Variants in PTPRG observed in about 807,000 individuals in gnomAD.
PTPRG encodes the protein receptor-type tyrosine-protein phosphatase gamma.
PTPRG carries 102 observed loss-of-function variants against 165.3 expected under a neutral mutation model. The ratio of observed to expected loss-of-function variants is 0.62; its 90% CI spans 0.53 to 0.73. The LOEUF is 0.73. Ranked by LOEUF, PTPRG falls within the 30% of genes least tolerant of loss-of-function variation. The pLI is 0.00. For missense variants in PTPRG, 1,866 were observed against 1,861.4 expected, an observed-to-expected ratio of 1.00 and a Z score of -0.05; for synonymous variants, 675 against 669.5, an observed-to-expected ratio of 1.01 and a Z score of -0.13.
intron 13 of PTPRG, among the ~76,000 whole-genome samples, chr3:62,230,313 C>A (rs1700870009): frequency 6.6e-6 from 1 of 152,192 alleles, no homozygotes; most frequent in Non-Finnish European, 1.5e-5. Flanking sequence ...CCAGCGGACT[C>A]AATAGTTAAC....
At position 62,271,461 on chromosome 3, in the gene PTPRG, G is replaced by A. The variant is rs1202524817; in HGVS notation, c.3088G>A (p.Gly1030Arg). Reference protein sequence around the residue: ...QYHYTQWPDMGVPEYALPVLT... With the variant: ...QYHYTQWPDMRVPEYALPVLT... Reference sequence around the variant, plus strand: ...TCACTATACACAGTGGCCTGACATGGGAGTTCCCGAGTATGCCCTTCCAGT... The same window carrying A: ...TCACTATACACAGTGGCCTGACATGAGAGTTCCCGAGTATGCCCTTCCAGT... Residue 1030 changes from glycine to arginine, a missense_variant, in exon 21 of 30, where the codon GGA (glycine) becomes AGA (arginine). Physicochemically the swap from Gly to Arg is moderately radical, Grantham distance 125 (BLOSUM62 -2). Around this residue, in one of 3 missense-constraint regions of PTPRG, gnomAD observed 1,452 missense variants for 1,463.0 expected, o/e 0.99. Transcript: ENST00000474889. This position sits in a 1 kb window ranked among gnomAD's most constrained non-coding sequence, Gnocchi z 4.1. 1.2e-6 allele frequency: 2 copies of A among 1,613,798 alleles called. No individual in the cohort carries two copies. Among genetic ancestry groups the A allele is most frequent in the Non-Finnish European group, 1.7e-6 (2 of 1,179,820 alleles).
At chr3:61,995,174 C>T (rs991682233) in intron 3 of PTPRG, among the ~76,000 whole-genome samples, 2 of 146,740 alleles carry the variant, frequency 1.4e-5, no homozygotes, top group African/African-American at 2.6e-5. Flanking sequence ...CTGCAACCTC[C>T]GTCTCCTAGG....
chr3:62,145,130 A>G (rs377205593), intron 6 of PTPRG, among the ~76,000 whole-genome samples: 1 of 152,210 alleles, frequency 6.6e-6, no homozygotes, highest in Non-Finnish European at 1.5e-5. Flanking sequence ...ACCTCGGTAT[A>G]GGAGAGACAG....
At chr3:61,685,396 C>A (rs1332300718) in intron 1 of PTPRG, among the ~76,000 whole-genome samples, 1 of 152,168 alleles carries the variant, frequency 6.6e-6, no homozygotes, top group East Asian at 1.9e-4. Context: ...GATCTGACTA[C>A]CTCAGGGATG....
At chr3:61,830,510 C>T (rs556024429) in intron 2 of PTPRG, among the ~76,000 whole-genome samples, 84 of 146,854 alleles carry the variant, frequency 5.7e-4, no homozygotes, top group African/African-American at 1.5e-3. Context: ...ATGTTCTCAT[C>T]TTTGAATCTT....
chr3:62,267,454 T>A lies in PTPRG; in HGVS notation c.2701T>A (p.Ser901Thr). Residue 901 changes from serine (S) to threonine (T), a missense_variant, in exon 18 of 30, where the codon TCT becomes ACT. Ser to Thr is a moderately conservative substitution (Grantham distance 58, BLOSUM62 1). This residue lies in a region of PTPRG where 1,452 missense variants were observed against 1,463.0 expected (regional missense o/e 0.99). Transcript: ENST00000474889. The stretch of plus-strand genomic sequence containing the variant: ...GTTAAGACCTTTACCAGGAAAAGAC[T>A]CTAAGCACAGCGACTACATTAATGC... ...VKLRPLPGKD[S>T]KHSDYINANY... 1 of 1,612,272 alleles carries A rather than the reference T, an allele frequency of 6.2e-7. No homozygotes were observed. Among genetic ancestry groups the A allele is most frequent in the South Asian group, 1.1e-5 (1 of 90,974 alleles).
chr3:61,977,784 T>A (rs113236855), intron 2 of PTPRG, among the ~76,000 whole-genome samples: 329 of 152,362 alleles, frequency 2.2e-3, no homozygotes, highest in Non-Finnish European at 3.5e-3. Flanking sequence ...GTCTTAAATA[T>A]GTTTACAGAG....
At chr3:61,981,210 A>G (rs987597409) in intron 2 of PTPRG, among the ~76,000 whole-genome samples, 10 of 152,124 alleles carry the variant, frequency 6.6e-5, no homozygotes, top group Admixed American at 5.9e-4. Context: ...TCACTGCAAC[A>G]GGATGGGGGA....
chr3:62,159,065 C>G (rs949003320), intron 7 of PTPRG, among the ~76,000 whole-genome samples: 3 of 151,756 alleles, frequency 2.0e-5, no homozygotes. Context: ...TGGCTCATGC[C>G]TATAATTTCA....
chr3:61,649,414 G>A (rs1702288735), intron 1 of PTPRG, among the ~76,000 whole-genome samples: 1 of 152,134 alleles, frequency 6.6e-6, no homozygotes, highest in South Asian at 2.1e-4. Flanking sequence ...TGTCTGGTGA[G>A]GGTTTTTCTC....
intron 1 of PTPRG, among the ~76,000 whole-genome samples, chr3:61,653,217 G>A (rs183936076): frequency 5.3e-5 from 8 of 151,958 alleles, no homozygotes; most frequent in South Asian, 4.2e-4. Flanking sequence ...AAGACGTATT[G>A]TACATATAGG....
At chr3:62,017,932 G>A (rs1183037539) in intron 4 of PTPRG, among the ~76,000 whole-genome samples, 1 of 152,150 alleles carries the variant, frequency 6.6e-6, no homozygotes, top group African/African-American at 2.4e-5. Context: ...TTTCATTCAT[G>A]AGCCAAGACA....
At chr3:62,290,302 A>G (rs1702835222) in intron 28 of PTPRG, among the ~76,000 whole-genome samples, 1 of 152,190 alleles carries the variant, frequency 6.6e-6, no homozygotes, top group East Asian at 1.9e-4. Flanking sequence ...CCATCTATAT[A>G]TTCAGTGCAA....
chr3:61,973,434 G>A (rs2040429037), intron 2 of PTPRG, among the ~76,000 whole-genome samples: 1 of 152,188 alleles, frequency 6.6e-6, no homozygotes, highest in Admixed American at 6.5e-5. Context: ...AAAAATGTAT[G>A]TGCTGTCTCC....
Position 62,112,876 on chromosome 3 carries a change from G to A in PTPRG, c.616-19726G>A, listed in dbSNP as rs147210474. Among the ~76,000 whole-genome samples the A allele has an allele frequency of 1.9e-3, 294 of 152,318 alleles. 2 individuals are homozygous for A. The highest frequency in any genetic ancestry group is 6.4e-3 in the African/African-American group (265 of 41,578). ...TGACTTCTCCAGTTTGGTGTCAGAT[G>A]TCCATGATTGACTCTTCTTCTGCGA... is the stretch of plus-strand genomic sequence containing the variant. On this transcript the variant is annotated intron_variant, in intron 5 of 29. Transcript: ENST00000474889.
In PTPRG at chr3:62,273,790, C is replaced by T. The variant is rs778608184; in HGVS notation, c.3411C>T (p.Asn1137=). 1.4e-5 allele frequency: 23 copies of T among 1,613,696 alleles called. No homozygotes were observed. The highest frequency in any genetic ancestry group is 1.9e-5 in the Non-Finnish European group (23 of 1,179,810). ...VSSNQLHSYV[N]SILIPGVGGK... is the part of the protein sequence containing the mutation. ...CAAATCAGCTGCACAGCTATGTTAA[C>T]AGCATCCTTATACCAGGAGTAGGAG... Residue 1137 remains asparagine (N), a synonymous_variant, in exon 23 of 30, where the codon AAC becomes AAT. Coordinates refer to ENST00000474889, the MANE Select transcript of PTPRG (RefSeq NM_002841.4). The surrounding 1 kb of genome is among the most constrained non-coding windows in gnomAD (Gnocchi z 4.1).
chr3:62,205,083 C>T (rs1046945580), intron 12 of PTPRG, among the ~76,000 whole-genome samples: 3 of 151,544 alleles, frequency 2.0e-5, no homozygotes, highest in South Asian at 4.2e-4. Context: ...GCTGAGATCT[C>T]GTATGTTAAG....
chr3:61,757,631 A>G (rs776566440), intron 2 of PTPRG, among the ~76,000 whole-genome samples: 4 of 152,220 alleles, frequency 2.6e-5, no homozygotes, highest in Non-Finnish European at 5.9e-5. Flanking sequence ...CAAAGCAGTA[A>G]ATATTGACCC....
intron 1 of PTPRG, among the ~76,000 whole-genome samples, chr3:61,711,447 T>C (rs1430149515): frequency 1.3e-5 from 2 of 152,256 alleles, no homozygotes; most frequent in African/African-American, 2.4e-5. Flanking sequence ...TTCCTGACTT[T>C]TTAATGATCG....
Sources: gnomAD v4.1 joint callset for allele counts (sites outside exome capture counted in the v4.1 genomes callset) on GRCh38, gnomAD v4.1.1 for gene constraint, gnomAD v4.1.1 regional missense constraint, Gnocchi (gnomAD v3.1) non-coding constraint, MANE v1.5 for transcripts, NCBI Gene and HGNC (gene_info 2026-07-23, HGNC 2026-07-21) for gene names.